The following PPARA variants were observed in gnomAD, a reference collection of about 807,000 sequenced individuals.
PPARA encodes the protein peroxisome proliferator activated receptor alpha, also known as peroxisome proliferator-activated receptor alpha.
Under a neutral mutation model 42.2 loss-of-function variants are expected in PPARA, and 22 were observed. The ratio of observed to expected loss-of-function variants is 0.52; its 90% confidence interval spans 0.37 to 0.74. The LOEUF is 0.74. Among genes scored for constraint, PPARA ranks in the 30% least tolerant of loss-of-function variants. PPARA has a pLI of 0.00. For missense variants in PPARA, 465 were observed against 608.2 expected, an observed-to-expected ratio of 0.76 and a Z score of 2.48; for synonymous variants, 242 against 239.3, an observed-to-expected ratio of 1.01 and a Z score of -0.10.
intron 2 of PPARA, chr22:46,164,223 C>T (rs965757229): frequency 6.6e-6 from 1 of 150,786 alleles, no homozygotes; most frequent in Admixed American, 6.6e-5. Flanking sequence ...TAAATAAAGT[C>T]GGGTTTATTA....
chr22:46,225,628 A>AC lies in PPARA; in HGVS notation c.711+5614_711+5615insC, dbSNP rs1935358967. On this transcript the variant is annotated intron_variant, in intron 7 of 8. Transcript: ENST00000407236. This position sits in a 1 kb window ranked among gnomAD's most constrained non-coding sequence, Gnocchi z 4.1. ...ACATCCATGCATGCATGTGTACACA[A>AC]ACACACCCACACATACACATGCACC... Among the ~76,000 whole-genome samples the AC allele has an allele frequency of 7.1e-6, 1 of 141,098 alleles. No individual in the cohort carries two copies. Among genetic ancestry groups the AC allele is most frequent in the Non-Finnish European group, 1.5e-5 (1 of 64,596 alleles). The allele number at this position is 141,098 out of a possible 152,430, so 92.6% of individuals were successfully genotyped here.
At position 46,235,274 on chromosome 22, in the gene PPARA, GGCAGCTGGTGACGGAGCATGC is replaced by G; in HGVS notation, c.1312_1332del (p.Thr438_Val444del). 6.2e-7 allele frequency: 1 copy of G among 1,614,014 alleles called. No individual in the cohort carries two copies. The highest frequency in any genetic ancestry group is 2.2e-5 in the East Asian group (1 of 44,874). ...CTTCTTCAAAAAATGGCAGACCTCC[GGCAGCTGGTGACGGAGCATGC>G]GCAGCTGGTGCAGATCATCAAGAAG... is the stretch of plus-strand genomic sequence containing the variant. On this transcript the variant is annotated inframe_deletion, in exon 9 of 9. Transcript: ENST00000407236. The surrounding 1 kb of genome is among the most constrained non-coding windows in gnomAD (Gnocchi z 7.0).
chr22:46,197,419 C>T (rs934499935), intron 3 of PPARA, among the ~76,000 whole-genome samples: 4 of 152,276 alleles, frequency 2.6e-5, no homozygotes, highest in African/African-American at 4.8e-5. Context: ...GCGACAGCTG[C>T]GCAGTCAGTG....
intron 2 of PPARA, among the ~76,000 whole-genome samples, chr22:46,159,734 G>A (rs1056712024): frequency 8.5e-5 from 13 of 152,218 alleles, no homozygotes; most frequent in African/African-American, 3.1e-4. Context: ...GGGACTCAAA[G>A]GAGAGGGCTA....
In PPARA at chr22:46,199,640, TA is replaced by T. The variant is rs200884460; in HGVS notation, c.208+1058del. Among the ~76,000 whole-genome samples the T allele has an allele frequency of 4.8e-4, 73 of 152,006 alleles. No homozygotes were observed. The East Asian group carries it at 0.013, about 26-fold the overall frequency. On this transcript the variant is annotated intron_variant, in intron 4 of 8. Coordinates refer to ENST00000407236, the MANE Select transcript of PPARA (RefSeq NM_005036.6). ...CTGGGTGACAGTGAGACCCTGTCTTTAAAAAAAAATTTTTTTAAGCAACATT... is the reference window on the plus strand; with the variant it reads ...CTGGGTGACAGTGAGACCCTGTCTTTAAAAAAAATTTTTTTAAGCAACATT...
intron 3 of PPARA, among the ~76,000 whole-genome samples, chr22:46,185,916 A>AAATAT (rs1569207624): frequency 4.0e-5 from 1 of 25,308 alleles, no homozygotes; most frequent in Non-Finnish European, 6.2e-5. Context: ...AAAAAAAAAA[A>AAATAT]ATATATATAT....
At chr22:46,185,964 T>TATACACAC (rs1207976543) in intron 3 of PPARA, among the ~76,000 whole-genome samples, 8 of 25,908 alleles carry the variant, frequency 3.1e-4, no homozygotes, top group African/African-American at 5.5e-4. Flanking sequence ...TATATATATA[T>TATACACAC]ACACACACAC....
At chr22:46,220,969 A>C (rs1250066027) in intron 7 of PPARA, among the ~76,000 whole-genome samples, 1 of 151,992 alleles carries the variant, frequency 6.6e-6, no homozygotes, top group African/African-American at 2.4e-5. Context: ...AATAAAATAA[A>C]TCCCTACTTT....
At chr22:46,226,670 A>G (rs1338319179) in intron 7 of PPARA, among the ~76,000 whole-genome samples, 2 of 152,150 alleles carry the variant, frequency 1.3e-5, no homozygotes, top group Non-Finnish European at 2.9e-5. Context: ...GTCTTGTTTA[A>G]AAAAATAAGA....
chr22:46,217,597 G>C (rs1252872653), intron 5 of PPARA, among the ~76,000 whole-genome samples: 1 of 151,976 alleles, frequency 6.6e-6, no homozygotes. Flanking sequence ...TCACAAATAT[G>C]GAAATGTCAC....
At position 46,150,823 on chromosome 22, in the gene PPARA, C is replaced by T. The variant is rs1248014478; in HGVS notation, c.-210+171C>T. The T allele has an allele frequency of 6.6e-6, 1 of 151,540 alleles. No individual in the cohort carries two copies. The highest frequency in any genetic ancestry group is 2.4e-5 in the African/African-American group (1 of 41,292). 9.4% of individuals were successfully genotyped at this position (151,540 alleles called of 1,614,324 possible). ...CTCCGGGTCCCGGGGACCCGGGGGC[C>T]CGGGGTGCGCGGCTGGGGACCTGAG... On this transcript the variant is annotated intron_variant, in intron 1 of 8. Transcript: ENST00000407236. This position sits in a 1 kb window ranked among gnomAD's most constrained non-coding sequence, Gnocchi z 7.5.
chr22:46,168,011 A>G (rs1489113033), intron 2 of PPARA, among the ~76,000 whole-genome samples: 3 of 152,112 alleles, frequency 2.0e-5, no homozygotes, highest in East Asian at 1.9e-4. Context: ...TGACCATGCC[A>G]CTGCACTCCA....
At chr22:46,214,937 G>T (rs891286372) in intron 4 of PPARA, among the ~76,000 whole-genome samples, 4 of 152,098 alleles carry the variant, frequency 2.6e-5, no homozygotes, top group Non-Finnish European at 5.9e-5. Context: ...CGGAGCTCGG[G>T]GTCAGCTCAG....
rs2147633139 is a variant in PPARA, at chr22:46,224,504, C to T, written c.711+4490C>T. On this transcript the variant is annotated intron_variant, in intron 7 of 8. Transcript: ENST00000407236. The surrounding 1 kb of genome is among the most constrained non-coding windows in gnomAD (Gnocchi z 5.7). The stretch of plus-strand genomic sequence containing the variant: ...CGGCCTGGAAACACCTTGATCTCTG[C>T]CCAGTGGCCCACATGCGGTCGCCGT... Among the ~76,000 whole-genome samples the T allele has an allele frequency of 6.6e-6, 1 of 152,292 alleles. No individual in the cohort carries two copies. Among genetic ancestry groups the T allele is most frequent in the Middle Eastern group, 3.4e-3 (1 of 294 alleles).
chr22:46,218,896 T>C (rs556249874), intron 6 of PPARA, among the ~76,000 whole-genome samples: 5 of 148,318 alleles, frequency 3.4e-5, no homozygotes, highest in Admixed American at 1.4e-4. Context: ...GGTGCGGTGG[T>C]TCACACCTGT....
In PPARA at chr22:46,212,802, C is replaced by A. The variant is rs1173850662; in HGVS notation, c.209-2371C>A. On this transcript the variant is annotated intron_variant, in intron 4 of 8. Coordinates refer to ENST00000407236, the MANE Select transcript of PPARA (RefSeq NM_005036.6). This position sits in a 1 kb window ranked among gnomAD's most constrained non-coding sequence, Gnocchi z 4.2. Reference sequence around the variant, plus strand: ...CTTGAGGTCAGGAGTTTGAGACCAGCCTGGCCAACATGGTGAAACGCTGTC... The same window carrying A: ...CTTGAGGTCAGGAGTTTGAGACCAGACTGGCCAACATGGTGAAACGCTGTC... 7.2e-5 allele frequency among the ~76,000 whole-genome samples: 11 copies of A among 152,112 alleles called. No individual in the cohort carries two copies. The highest frequency in any genetic ancestry group is 2.1e-4 in the South Asian group (1 of 4,820).
At position 46,235,366 on chromosome 22, in the gene PPARA, A is replaced by AG; in HGVS notation, c.1396dup (p.Asp466GlyfsTer39). On this transcript the variant is annotated frameshift_variant, in exon 9 of 9. Coordinates refer to ENST00000407236, the MANE Select transcript of PPARA (RefSeq NM_005036.6). LOFTEE classifies it high-confidence loss of function. This position sits in a 1 kb window ranked among gnomAD's most constrained non-coding sequence, Gnocchi z 7.0. Reference sequence around the variant, plus strand: ...GCACCCGCTACTGCAGGAGATCTACAGGGACATGTACTGAGTTCCTTCAGA... The same window carrying AG: ...GCACCCGCTACTGCAGGAGATCTACAGGGGACATGTACTGAGTTCCTTCAGA... 3 of 1,613,906 alleles carry AG rather than the reference A, an allele frequency of 1.9e-6. No individual in the cohort carries two copies. The highest frequency in any genetic ancestry group is 2.5e-6 in the Non-Finnish European group (3 of 1,179,944).
At chr22:46,220,419 A>G (rs1934908154) in intron 7 of PPARA, 1 of 296,918 alleles carries the variant, frequency 3.4e-6, no homozygotes, top group African/African-American at 2.2e-5. Flanking sequence ...GGCTCAAGCA[A>G]TCCTCCTGCC....
chr22:46,233,146 A>G lies in PPARA; in HGVS notation c.1159+907A>G, dbSNP rs1050065166. On this transcript the variant is annotated intron_variant, in intron 8 of 8. Transcript: ENST00000407236. The surrounding 1 kb of genome is among the most constrained non-coding windows in gnomAD (Gnocchi z 7.3). The stretch of plus-strand genomic sequence containing the variant: ...TAGACAATATTGTATGAAGTGCTAT[A>G]CAGATGTCAGTATAGTTGCTGTCAC... 3.3e-5 allele frequency among the ~76,000 whole-genome samples: 5 copies of G among 152,106 alleles called. No homozygotes were observed. The highest frequency in any genetic ancestry group is 1.2e-4 in the African/African-American group (5 of 41,426).
Sources: allele counts gnomAD v4.1 joint callset (sites outside exome capture counted in the v4.1 genomes callset), GRCh38; gene constraint gnomAD v4.1.1; non-coding constraint Gnocchi (gnomAD v3.1); transcripts MANE v1.5; gene names NCBI Gene and HGNC (gene_info 2026-07-23, HGNC 2026-07-21).